The following CDH8 variants were observed in gnomAD, a reference collection of about 807,000 sequenced individuals.
CDH8 encodes the protein cadherin-8.
Under a neutral mutation model 68.1 loss-of-function variants are expected in CDH8, and 17 were observed. The ratio of observed to expected loss-of-function variants is 0.25; its 90% CI spans 0.17 to 0.37. CDH8 has a LOEUF of 0.37. Among genes scored for constraint, CDH8 ranks in the 10% least tolerant of loss-of-function variants. CDH8 has a pLI of 1.00. For synonymous variants in CDH8, 372 were observed against 365.1 expected, an observed-to-expected ratio of 1.02 and a Z score of -0.21; for missense variants, 763 against 999.3, an observed-to-expected ratio of 0.76 and a Z score of 3.19.
chr16:62,024,901 GCATATACTGTATGT>G (rs1470746163), intron 1 of CDH8, among the ~76,000 whole-genome samples: 3 of 152,158 alleles, frequency 2.0e-5, no homozygotes, highest in African/African-American at 7.2e-5. Flanking sequence ...TATTTCATGA[GCATATACTGTATGT>G]CAGGTACTGG....
chr16:61,792,951 G>C (rs1220258136), intron 7 of CDH8, among the ~76,000 whole-genome samples: 2 of 151,964 alleles, frequency 1.3e-5, no homozygotes, highest in Non-Finnish European at 2.9e-5. Flanking sequence ...AACATTCTAT[G>C]ATTTGAATGT....
intron 2 of CDH8, among the ~76,000 whole-genome samples, chr16:62,015,632 C>A (rs973378010): frequency 6.6e-6 from 1 of 152,250 alleles, no homozygotes; most frequent in Admixed American, 6.5e-5. Context: ...TGTGTTTCAG[C>A]GCAATGGACT....
In CDH8 at chr16:61,655,857, C is replaced by G. The variant is rs369362864; in HGVS notation, c.1655-136G>C. 1.5e-4 allele frequency: 106 copies of G among 730,446 alleles called. 1 individual carries two copies. In the African/African-American group the frequency reaches 1.6e-3, roughly 11 times the overall value. 45.2% of individuals were successfully genotyped at this position (730,446 alleles called of 1,614,324 possible). A position where few individuals can be genotyped will look rare whatever the true frequency, so the allele number is the denominator to read the frequency against. ...TCAAAGGACTGCTCAGGCTTTTTCC[C>G]TGACTCGTCTCCGCACTTTTTTTTT... is the stretch of plus-strand genomic sequence containing the variant. On this transcript the variant is annotated intron_variant, in intron 10 of 11. Coordinates refer to ENST00000577390, the MANE Select transcript of CDH8 (RefSeq NM_001796.5).
chr16:61,722,901 TA>T (rs1284533835), intron 9 of CDH8, among the ~76,000 whole-genome samples: 1 of 150,686 alleles, frequency 6.6e-6, no homozygotes, highest in Non-Finnish European at 1.5e-5. Context: ...TTAACTCAGA[TA>T]TAATTACTTG....
intron 8 of CDH8, 123 bp downstream of exon 8, chr16:61,789,223 A>G: frequency 1.2e-6 from 1 of 804,758 alleles, no homozygotes; most frequent in Admixed American, 2.7e-5. Context: ...GCTCCTTGGG[A>G]ACAATCAAAT....
chr16:61,901,418 T>A lies in CDH8; in HGVS notation c.308A>T (p.Asp103Val). ...SKKIKYILSG[D>V]GAGTIFQIND... ...TATTTGAAATATGGTCCCAGCTCCA[T>A]CACCTGATAGGATATACTTGATTTT... is the stretch of plus-strand genomic sequence containing the variant. The change falls in exon 3 of 12, where the codon GAT becomes GTT. Residue 103 changes from aspartate (D) to valine (V), a missense_variant. Around this residue, in one of 2 missense-constraint regions of CDH8, gnomAD observed 366 missense variants for 563.1 expected, o/e 0.65. Transcript: ENST00000577390. 1.2e-6 allele frequency: 2 copies of A among 1,613,930 alleles called. No individual in the cohort carries two copies. The highest frequency in any genetic ancestry group is 8.5e-7 in the Non-Finnish European group (1 of 1,179,822).
At chr16:61,893,199 T>G (rs951166878) in intron 3 of CDH8, among the ~76,000 whole-genome samples, 5 of 152,122 alleles carry the variant, frequency 3.3e-5, no homozygotes, top group Non-Finnish European at 7.4e-5. Context: ...TCAAACAACC[T>G]TCTTCCCTGT....
chr16:61,849,089 G>A (rs8057132), intron 4 of CDH8, among the ~76,000 whole-genome samples: 4,220 of 152,132 alleles, frequency 0.028, 188 homozygotes, highest in African/African-American at 0.096. Flanking sequence ...TACAATTTTT[G>A]TTGTAATATT....
At chr16:61,697,385 G>T (rs1256714749) in intron 10 of CDH8, among the ~76,000 whole-genome samples, 1 of 152,050 alleles carries the variant, frequency 6.6e-6, no homozygotes, top group Non-Finnish European at 1.5e-5. Context: ...CACCACCGAG[G>T]CCAAACATAG....
Position 62,034,085 on chromosome 16 carries a change from A to T in CDH8, c.-200+1995T>A, listed in dbSNP as rs138657676. 6.7e-3 allele frequency among the ~76,000 whole-genome samples: 1,025 copies of T among 152,216 alleles called. 15 individuals are homozygous for T. Among genetic ancestry groups the T allele is most frequent in the African/African-American group, 0.023 (975 of 41,510 alleles). ...ATGATGATTATGGAGAACTCCCTTT[A>T]AGGGAAAAAGAATGTAACCCTAAGA... On this transcript the variant is annotated intron_variant, in intron 1 of 11. Transcript: ENST00000577390.
At chr16:61,817,367 G>T (rs1265148011) in intron 7 of CDH8, 112 bp downstream of exon 7, 4 of 993,054 alleles carry the variant, frequency 4.0e-6, no homozygotes, top group African/African-American at 1.6e-5. Context: ...ACATTATTTG[G>T]TCATGTGAGC....
chr16:61,958,847 G>C lies in CDH8; in HGVS notation c.253-57374C>G, dbSNP rs114543109. ...AATTTCCTTCTCTACTCAAGAGTAT[G>C]ACACAGGAGGCTCTCCCTGATCTGA... On this transcript the variant is annotated intron_variant, in intron 2 of 11. Coordinates refer to ENST00000577390, the MANE Select transcript of CDH8 (RefSeq NM_001796.5). Among the ~76,000 whole-genome samples, 895 of 152,186 alleles carry C rather than the reference G, an allele frequency of 5.9e-3. 9 individuals are homozygous for C. The highest frequency in any genetic ancestry group is 0.021 in the African/African-American group (852 of 41,530).
At chr16:61,788,033 A>G (rs1379650130) in intron 8 of CDH8, among the ~76,000 whole-genome samples, 1 of 151,260 alleles carries the variant, frequency 6.6e-6, no homozygotes, top group Non-Finnish European at 1.5e-5. Flanking sequence ...GCACATGTAT[A>G]CATATGTAAC....
At chr16:61,866,327 C>G (rs1237357467) in intron 3 of CDH8, among the ~76,000 whole-genome samples, 2 of 152,076 alleles carry the variant, frequency 1.3e-5, no homozygotes, top group African/African-American at 2.4e-5. Context: ...ATGCCAAGCA[C>G]CAACTTAGAT....
At chr16:61,869,454 C>T (rs564652238) in intron 3 of CDH8, among the ~76,000 whole-genome samples, 1 of 152,274 alleles carries the variant, frequency 6.6e-6, no homozygotes, top group East Asian at 1.9e-4. Flanking sequence ...AATAGCCCAA[C>T]TTCAAAGGTA....
intron 2 of CDH8, among the ~76,000 whole-genome samples, chr16:61,951,645 T>C (rs1964900535): frequency 6.6e-6 from 1 of 152,176 alleles, no homozygotes; most frequent in Non-Finnish European, 1.5e-5. Context: ...TTTTTTTACA[T>C]ATTGCAATGG....
chr16:61,978,835 C>T (rs1965484887), intron 2 of CDH8, among the ~76,000 whole-genome samples: 1 of 152,158 alleles, frequency 6.6e-6, no homozygotes, highest in Non-Finnish European at 1.5e-5. Flanking sequence ...ATTGCATTCC[C>T]TGTGTATGGA....
chr16:61,942,342 A>T (rs1964737843), intron 2 of CDH8, among the ~76,000 whole-genome samples: 1 of 152,112 alleles, frequency 6.6e-6, no homozygotes, highest in Non-Finnish European at 1.5e-5. Flanking sequence ...AAATAAAAAT[A>T]AAAAATTAGC....
chr16:61,801,578 C>G (rs923327087), intron 7 of CDH8, among the ~76,000 whole-genome samples: 1 of 152,184 alleles, frequency 6.6e-6, no homozygotes, highest in South Asian at 2.1e-4. Flanking sequence ...CTAGGGAGTG[C>G]CAGACAGTGG....
Sources: allele counts gnomAD v4.1 joint callset (sites outside exome capture counted in the v4.1 genomes callset), GRCh38; gene constraint gnomAD v4.1.1; regional missense constraint gnomAD v4.1.1; transcripts MANE v1.5; gene names NCBI Gene and HGNC (gene_info 2026-07-23, HGNC 2026-07-21).